The following PKIB variants were observed in gnomAD, a reference collection of about 807,000 sequenced individuals.
The protein encoded by PKIB is PKI-beta.
Under a neutral mutation model 4.5 loss-of-function variants are expected in PKIB, and 2 were observed. The ratio of observed to expected loss-of-function variants is 0.44; its 90% CI spans 0.18 to 1.39. The LOEUF is 1.39. Among genes scored for constraint, PKIB ranks in the 40% most tolerant of loss-of-function variants. PKIB has a pLI of 0.27. For missense variants in PKIB, 94 were observed against 92.6 expected (o/e 1.02, Z -0.06); for synonymous variants, 38 against 36.0 (o/e 1.06, Z -0.20).
chr6:122,509,315 C>G (rs763876509), intron 2 of PKIB, among the ~76,000 whole-genome samples: 1 of 152,066 alleles, frequency 6.6e-6, no homozygotes, highest in East Asian at 1.9e-4. Context: ...TAACTTGTCA[C>G]GTAACTGAAT....
chr6:122,476,713 C>T (rs1214764568), intron 1 of PKIB, among the ~76,000 whole-genome samples: 1 of 152,108 alleles, frequency 6.6e-6, no homozygotes, highest in Admixed American at 6.6e-5. Flanking sequence ...ATTTAATGTA[C>T]TATTTTATAA....
At chr6:122,517,354 C>T (rs1776792957) in intron 2 of PKIB, among the ~76,000 whole-genome samples, 1 of 152,150 alleles carries the variant, frequency 6.6e-6, no homozygotes, top group Non-Finnish European at 1.5e-5. Context: ...AAGTCTAATG[C>T]TTTTAGGAAA....
intron 2 of PKIB, among the ~76,000 whole-genome samples, chr6:122,535,842 A>T: frequency 6.6e-6 from 1 of 152,216 alleles, no homozygotes. Context: ...ACTAATATCT[A>T]TAAAGCACAA....
chr6:122,476,963 A>G (rs895235358), intron 1 of PKIB, among the ~76,000 whole-genome samples: 3 of 152,212 alleles, frequency 2.0e-5, no homozygotes, highest in Admixed American at 2.0e-4. Flanking sequence ...CAACGTCTAA[A>G]TCAGCACCTT....
chr6:122,681,746 T>C (rs1777903409), intron 3 of PKIB, among the ~76,000 whole-genome samples: 1 of 152,260 alleles, frequency 6.6e-6, no homozygotes, highest in Admixed American at 6.5e-5. Flanking sequence ...GCTAATTAAA[T>C]GATGCTTTTC....
At chr6:122,702,047 C>A (rs1461030998) in intron 3 of PKIB, among the ~76,000 whole-genome samples, 1 of 138,936 alleles carries the variant, frequency 7.2e-6, no homozygotes, top group East Asian at 2.2e-4. Flanking sequence ...TGACAAAACC[C>A]TAACCTCCAA....
chr6:122,593,282 G>A (rs894729082), intron 3 of PKIB, among the ~76,000 whole-genome samples: 4 of 152,066 alleles, frequency 2.6e-5, no homozygotes, highest in Admixed American at 2.0e-4. Flanking sequence ...CAGGGGCAGC[G>A]GTAGAAAAAA....
chr6:122,550,628 A>G (rs907906446), intron 2 of PKIB, among the ~76,000 whole-genome samples: 1 of 152,170 alleles, frequency 6.6e-6, no homozygotes, highest in East Asian at 1.9e-4. Flanking sequence ...GGAGTCATAC[A>G]TCTGGAGCTC....
intron 2 of PKIB, among the ~76,000 whole-genome samples, chr6:122,640,281 G>T (rs912116773): frequency 1.3e-5 from 2 of 152,068 alleles, no homozygotes; most frequent in Admixed American, 6.6e-5. Flanking sequence ...TCTTATTTGG[G>T]ATTCATAAAA....
At chr6:122,589,123 CT>C (rs1349103470) in intron 3 of PKIB, among the ~76,000 whole-genome samples, 1 of 151,992 alleles carries the variant, frequency 6.6e-6, no homozygotes, top group Non-Finnish European at 1.5e-5. Flanking sequence ...AATATCTACC[CT>C]AGAGTAATGC....
At chr6:122,498,283 C>T (rs1209322175) in intron 2 of PKIB, among the ~76,000 whole-genome samples, 2 of 152,166 alleles carry the variant, frequency 1.3e-5, no homozygotes, top group Non-Finnish European at 1.5e-5. Context: ...AGAGCTTGCG[C>T]AGGGAAAGTC....
At chr6:122,621,790 G>GA (rs2114790641) in intron 1 of PKIB, among the ~76,000 whole-genome samples, 1 of 152,326 alleles carries the variant, frequency 6.6e-6, no homozygotes, top group East Asian at 1.9e-4. Flanking sequence ...CAAATTACAG[G>GA]AAAAATGGAA....
intron 2 of PKIB, among the ~76,000 whole-genome samples, chr6:122,512,346 C>T (rs566059281): frequency 1.3e-5 from 2 of 152,274 alleles, no homozygotes; most frequent in East Asian, 3.9e-4. Context: ...TCAACTTTCT[C>T]TCTTTTCCCT....
rs145197005 is a variant in PKIB, at chr6:122,508,871, G to A, written c.-248+30932G>A. 2.5e-3 allele frequency among the ~76,000 whole-genome samples: 384 copies of A among 151,476 alleles called. 3 individuals are homozygous for A. Among genetic ancestry groups the A allele is most frequent in the African/African-American group, 8.5e-3 (350 of 41,248 alleles). Reference sequence around the variant, plus strand: ...GTTCACGCCATTCTCCTGCCTCAGCGTCCCGAGTAGCTGGGACTACAGGTG... The same window carrying A: ...GTTCACGCCATTCTCCTGCCTCAGCATCCCGAGTAGCTGGGACTACAGGTG... On this transcript the variant is annotated intron_variant, in intron 2 of 6. Transcript: ENST00000392491.
intron 3 of PKIB, among the ~76,000 whole-genome samples, chr6:122,683,922 T>G (rs1413344725): frequency 6.6e-6 from 1 of 152,228 alleles, no homozygotes; most frequent in Non-Finnish European, 1.5e-5. Context: ...ACTCCCATGT[T>G]CATTACAGCA....
At chr6:122,590,327 G>A (rs541405047) in intron 3 of PKIB, among the ~76,000 whole-genome samples, 1 of 152,166 alleles carries the variant, frequency 6.6e-6, no homozygotes, top group Non-Finnish European at 1.5e-5. Context: ...CACAGGCTCA[G>A]ATGTATCTAA....
chr6:122,622,625 C>T (rs561578938), intron 1 of PKIB, among the ~76,000 whole-genome samples: 1 of 152,270 alleles, frequency 6.6e-6, no homozygotes, highest in Non-Finnish European at 1.5e-5. Context: ...GCTTAGCAGT[C>T]CCCATGGATC....
intron 1 of PKIB, among the ~76,000 whole-genome samples, chr6:122,626,166 T>C (rs1347351887): frequency 6.6e-6 from 1 of 152,230 alleles, no homozygotes; most frequent in East Asian, 1.9e-4. Flanking sequence ...ATAATGCTAA[T>C]TTTGTTGTGA....
At chr6:122,516,258 C>A (rs1776748403) in intron 2 of PKIB, among the ~76,000 whole-genome samples, 1 of 152,144 alleles carries the variant, frequency 6.6e-6, no homozygotes, top group Non-Finnish European at 1.5e-5. Context: ...CTGCTTCTCT[C>A]ATCATTCAGG....
Sources: allele counts gnomAD v4.1 joint callset (sites outside exome capture counted in the v4.1 genomes callset), GRCh38; gene constraint gnomAD v4.1.1; transcripts MANE v1.5; gene names NCBI Gene and HGNC (gene_info 2026-07-23, HGNC 2026-07-21).